Variants in CNTNAP2 observed in about 807,000 individuals in gnomAD.
CNTNAP2 encodes the protein contactin associated protein 2.
A neutral mutation model predicts 155.2 loss-of-function variants in CNTNAP2; 98 were observed. The observed-to-expected ratio is 0.63, with a 90% CI of 0.54 to 0.75. The LOEUF is 0.75. Ranked by LOEUF, CNTNAP2 falls within the 30% of genes least tolerant of loss-of-function variation. CNTNAP2 has a pLI of 0.00. For synonymous variants in CNTNAP2, 651 were observed against 631.2 expected, an observed-to-expected ratio of 1.03 and a Z score of -0.47; for missense variants, 1,727 against 1,688.1, an observed-to-expected ratio of 1.02 and a Z score of -0.40.
At chr7:147,361,481 C>T (rs772353070) in intron 9 of CNTNAP2, among the ~76,000 whole-genome samples, 1 of 152,136 alleles carries the variant, frequency 6.6e-6, no homozygotes, top group Non-Finnish European at 1.5e-5. Context: ...ACTTTTAAGT[C>T]ACGTTGTGTT....
chr7:147,132,304 A>C lies in CNTNAP2; in HGVS notation c.1143A>C (p.Thr381=). 6.2e-7 allele frequency: 1 copy of C among 1,613,646 alleles called. No homozygotes were observed. The highest frequency in any genetic ancestry group is 8.5e-7 in the Non-Finnish European group (1 of 1,179,772). The change falls in exon 8 of 24, where the codon ACA becomes ACC. Residue 381 remains threonine, a synonymous_variant. Transcript: ENST00000361727. ...CGGTGCCTGTCTTTTTCAACGCTAC[A>C]AGTTACCTGGAGGTGCCCGGACGGC... ...PYTVPVFFNA[T]SYLEVPGRLN...
At chr7:146,352,758 T>G (rs1014748362) in intron 1 of CNTNAP2, among the ~76,000 whole-genome samples, 6 of 125,928 alleles carry the variant, frequency 4.8e-5, no homozygotes, top group Non-Finnish European at 8.2e-5. Flanking sequence ...CTGTTTTTTT[T>G]TTTTTTTTTT....
At chr7:147,787,147 G>C (rs536868116) in intron 13 of CNTNAP2, among the ~76,000 whole-genome samples, 4 of 152,320 alleles carry the variant, frequency 2.6e-5, no homozygotes, top group Admixed American at 1.3e-4. Flanking sequence ...ATACCTGCAG[G>C]TGTGCGCTTT....
chr7:147,661,306 C>T (rs771971636), intron 13 of CNTNAP2, among the ~76,000 whole-genome samples: 25 of 151,798 alleles, frequency 1.6e-4, no homozygotes, highest in Non-Finnish European at 2.5e-4. Context: ...TAATTTTAAG[C>T]GGTGCATTTT....
At chr7:147,767,374 A>G (rs1797398315) in intron 13 of CNTNAP2, among the ~76,000 whole-genome samples, 1 of 152,098 alleles carries the variant, frequency 6.6e-6, no homozygotes, top group African/African-American at 2.4e-5. Flanking sequence ...CAGGACAATT[A>G]GAAAGAAATT....
In CNTNAP2 at chr7:147,086,507, G is replaced by T. The variant is rs376598915; in HGVS notation, c.551-21640G>T. On this transcript the variant is annotated intron_variant, in intron 4 of 23. Transcript: ENST00000361727. ...AATGGAGTGCAATGGCATGATCATG[G>T]CTCATGGCAGCCTCAGTTTCCTGGC... Among the ~76,000 whole-genome samples the T allele has an allele frequency of 5.3e-5, 8 of 151,920 alleles. No homozygotes were observed. In the South Asian group the frequency reaches 1.5e-3, roughly 28 times the overall value.
chr7:146,911,371 G>A (rs957792502), intron 3 of CNTNAP2, among the ~76,000 whole-genome samples: 8 of 151,988 alleles, frequency 5.3e-5, no homozygotes, highest in Admixed American at 1.3e-4. Flanking sequence ...GTTTATCGCG[G>A]CATTATTCAC....
At chr7:147,651,642 A>G (rs1452378363) in intron 13 of CNTNAP2, among the ~76,000 whole-genome samples, 1 of 152,216 alleles carries the variant, frequency 6.6e-6, no homozygotes, top group Non-Finnish European at 1.5e-5. Context: ...TCTAATGAAG[A>G]TACAGTTTGG....
At chr7:146,327,625 A>ATT in intron 1 of CNTNAP2, among the ~76,000 whole-genome samples, 1 of 152,344 alleles carries the variant, frequency 6.6e-6, no homozygotes, top group Non-Finnish European at 1.5e-5. Context: ...TGCCCAATGC[A>ATT]TTTTGAAGGT....
chr7:146,404,459 G>A (rs1173243321), intron 1 of CNTNAP2, among the ~76,000 whole-genome samples: 2 of 152,118 alleles, frequency 1.3e-5, no homozygotes, highest in Non-Finnish European at 2.9e-5. Flanking sequence ...CCCAGTTCAA[G>A]CTTAGTTTCT....
At chr7:148,268,599 G>C (rs192057471) in intron 21 of CNTNAP2, among the ~76,000 whole-genome samples, 1 of 152,008 alleles carries the variant, frequency 6.6e-6, no homozygotes, top group East Asian at 1.9e-4. Flanking sequence ...AGCTTACAGT[G>C]AGCCGAGATC....
intron 1 of CNTNAP2, among the ~76,000 whole-genome samples, chr7:146,233,519 G>A (rs1283836379): frequency 6.6e-6 from 1 of 151,714 alleles, no homozygotes; most frequent in Non-Finnish European, 1.5e-5. Context: ...CAATGTGCAC[G>A]TTAGTTACAT....
At chr7:146,771,696 G>C (rs148993008) in intron 1 of CNTNAP2, among the ~76,000 whole-genome samples, 142 of 152,180 alleles carry the variant, frequency 9.3e-4, no homozygotes, top group African/African-American at 3.3e-3. Context: ...CGGATTTGTT[G>C]ATTTTAATTT....
chr7:147,349,976 G>T (rs1795941640), intron 9 of CNTNAP2, among the ~76,000 whole-genome samples: 1 of 151,682 alleles, frequency 6.6e-6, no homozygotes, highest in Admixed American at 6.6e-5. Context: ...CCACATGCCT[G>T]GGCTCTTAAA....
At chr7:148,152,893 C>T (rs76400953) in intron 17 of CNTNAP2, among the ~76,000 whole-genome samples, 13,242 of 151,420 alleles carry the variant, frequency 0.087, 652 homozygotes, top group East Asian at 0.23. Context: ...TAGTGGCAGG[C>T]GCCTGTAGTC....
chr7:148,237,812 G>A (rs62473508), intron 20 of CNTNAP2, among the ~76,000 whole-genome samples: 1,689 of 152,260 alleles, frequency 0.011, 11 homozygotes, highest in Non-Finnish European at 0.016. Context: ...ATTGGTGGCC[G>A]GGGGAGCCCT....
intron 10 of CNTNAP2, among the ~76,000 whole-genome samples, chr7:147,441,515 C>A (rs117512674): frequency 0.02 from 2,992 of 152,078 alleles, 46 homozygotes; most frequent in East Asian, 0.058. Flanking sequence ...GTCTTGATAC[C>A]TGTAGATGTT....
chr7:146,887,204 C>G (rs1024168346), intron 3 of CNTNAP2, among the ~76,000 whole-genome samples: 2 of 151,962 alleles, frequency 1.3e-5, no homozygotes, highest in African/African-American at 2.4e-5. Context: ...GGCTGGAGTA[C>G]AATGGCGCGA....
chr7:146,912,398 A>T (rs1418439318), intron 3 of CNTNAP2, among the ~76,000 whole-genome samples: 1 of 152,036 alleles, frequency 6.6e-6, no homozygotes, highest in Non-Finnish European at 1.5e-5. Flanking sequence ...ATATCTAATA[A>T]TTGGAAAATT....
Sources: gnomAD v4.1 joint callset for allele counts (sites outside exome capture counted in the v4.1 genomes callset) on GRCh38, gnomAD v4.1.1 for gene constraint, MANE v1.5 for transcripts, NCBI Gene and HGNC (gene_info 2026-07-23, HGNC 2026-07-21) for gene names.